Variants in PRICKLE2 observed in about 807,000 individuals in gnomAD.
PRICKLE2 encodes the protein prickle planar cell polarity protein 2.
In PRICKLE2, 21 loss-of-function variants were observed where a neutral mutation model predicts 81.4. The ratio of observed to expected loss-of-function variants is 0.26; its 90% CI spans 0.18 to 0.37. PRICKLE2 has a LOEUF of 0.37. Ranked by LOEUF, PRICKLE2 falls within the 10% of genes least tolerant of loss-of-function variation. PRICKLE2 has a pLI of 1.00. For synonymous variants in PRICKLE2, 456 were observed against 421.5 expected (o/e 1.08, Z -1.00); for missense variants, 940 against 1,109.0 (o/e 0.85, Z 2.16).
At chr3:64,218,346 T>C (rs914529123) in intron 1 of PRICKLE2, among the ~76,000 whole-genome samples, 6 of 152,252 alleles carry the variant, frequency 3.9e-5, no homozygotes, top group Non-Finnish European at 8.8e-5. Context: ...CTGAAATATT[T>C]GTAATTGTAC....
chr3:64,166,647 T>C (rs2077837872), intron 2 of PRICKLE2, among the ~76,000 whole-genome samples: 1 of 152,196 alleles, frequency 6.6e-6, no homozygotes, highest in Admixed American at 6.5e-5. Context: ...TCTCACAAGG[T>C]AACTAATAAT....
intron 6 of PRICKLE2, among the ~76,000 whole-genome samples, chr3:64,148,594 GA>G (rs1202173091): frequency 3.3e-5 from 5 of 152,180 alleles, no homozygotes; most frequent in African/African-American, 1.2e-4. Flanking sequence ...GTTTTCTTCA[GA>G]ACTCCTAAGT....
chr3:64,238,508 G>C (rs946538522), intron 2 of PRICKLE2, among the ~76,000 whole-genome samples: 1 of 150,448 alleles, frequency 6.6e-6, no homozygotes, highest in Non-Finnish European at 1.5e-5. Flanking sequence ...AAAGAAAAAA[G>C]AAAAGAAAAG....
intron 2 of PRICKLE2, among the ~76,000 whole-genome samples, chr3:64,167,672 G>A (rs1294263428): frequency 6.6e-6 from 1 of 152,246 alleles, no homozygotes; most frequent in African/African-American, 2.4e-5. Flanking sequence ...ATGGAGGCTG[G>A]AGAAGCAATA....
Position 64,099,054 on chromosome 3 carries a change from A to C in PRICKLE2, c.2532T>G (p.Ser844=), listed in dbSNP as rs748122339. The change falls in exon 8 of 8, where the codon TCT becomes TCG. Residue 844 remains serine, a synonymous_variant. Transcript: ENST00000638394. The surrounding 1 kb of genome is among the most constrained non-coding windows in gnomAD (Gnocchi z 4.3). The stretch of plus-strand genomic sequence containing the variant: ...CCATTCCCTGATCCCAATCATATTA[A>C]GAAATGATACAGTTTTTGCTCTTCT... ...KRQKSKNCII[S] 1 of 1,614,172 alleles carries C rather than the reference A, an allele frequency of 6.2e-7. No homozygotes were observed. Among genetic ancestry groups the C allele is most frequent in the Non-Finnish European group, 8.5e-7 (1 of 1,179,992 alleles).
chr3:64,126,190 T>A (rs954485014), intron 7 of PRICKLE2, among the ~76,000 whole-genome samples: 4 of 152,212 alleles, frequency 2.6e-5, no homozygotes, highest in Non-Finnish European at 5.9e-5. Context: ...CCCAAGAGAA[T>A]CTGAAGCTTT....
chr3:64,166,513 C>T (rs1301471180), intron 2 of PRICKLE2, among the ~76,000 whole-genome samples: 1 of 152,196 alleles, frequency 6.6e-6, no homozygotes, highest in Non-Finnish European at 1.5e-5. Context: ...GCAGTGACTA[C>T]TCTTTGGGAA....
chr3:64,165,748 A>G (rs1368811231), intron 2 of PRICKLE2, among the ~76,000 whole-genome samples: 1 of 152,130 alleles, frequency 6.6e-6, no homozygotes, highest in African/African-American at 2.4e-5. Flanking sequence ...GGCTCAAGCT[A>G]TTCTCCTGCC....
At chr3:64,188,706 A>G (rs766838488) in intron 2 of PRICKLE2, among the ~76,000 whole-genome samples, 7 of 152,240 alleles carry the variant, frequency 4.6e-5, no homozygotes, top group Non-Finnish European at 1.0e-4. Flanking sequence ...CTGTGTTTCA[A>G]ATCAGGCCCC....
chr3:64,142,933 C>T (rs2077386380), intron 7 of PRICKLE2, among the ~76,000 whole-genome samples: 1 of 152,030 alleles, frequency 6.6e-6, no homozygotes, highest in African/African-American at 2.4e-5. Flanking sequence ...TGTTCAAGGC[C>T]ACACAACTCC....
intron 2 of PRICKLE2, among the ~76,000 whole-genome samples, chr3:64,247,783 A>G (rs918239668): frequency 3.9e-5 from 6 of 152,184 alleles, no homozygotes; most frequent in African/African-American, 1.4e-4. Flanking sequence ...GACAACTTAA[A>G]TTGCTTCTTA....
intron 2 of PRICKLE2, among the ~76,000 whole-genome samples, chr3:64,260,193 T>C (rs1017033031): frequency 6.6e-6 from 1 of 152,180 alleles, no homozygotes; most frequent in East Asian, 1.9e-4. Flanking sequence ...AGAACTCTCT[T>C]GTGAGGCTCC....
At chr3:64,205,304 T>C (rs1313607228) in intron 1 of PRICKLE2, among the ~76,000 whole-genome samples, 1 of 152,122 alleles carries the variant, frequency 6.6e-6, no homozygotes, top group Admixed American at 6.5e-5. Flanking sequence ...AATCATGGCT[T>C]CCGTATCTCA....
intron 7 of PRICKLE2, among the ~76,000 whole-genome samples, chr3:64,138,133 T>C (rs1036805505): frequency 6.6e-6 from 1 of 152,218 alleles, no homozygotes; most frequent in Admixed American, 6.5e-5. Flanking sequence ...GGGATACCTA[T>C]GGTGCCTGTG....
intron 2 of PRICKLE2, chr3:64,163,652 T>G (rs1167033111): frequency 5.4e-6 from 1 of 185,038 alleles, no homozygotes; most frequent in Non-Finnish European, 1.2e-5. Flanking sequence ...GCAGCTGACA[T>G]CCATCAGAAA....
chr3:64,248,532 T>C (rs1458224747), intron 2 of PRICKLE2, among the ~76,000 whole-genome samples: 1 of 152,080 alleles, frequency 6.6e-6, no homozygotes, highest in Non-Finnish European at 1.5e-5. Flanking sequence ...GGTGGTGACT[T>C]GAACCACAGA....
intron 1 of PRICKLE2, among the ~76,000 whole-genome samples, chr3:64,221,623 G>C (rs926398162): frequency 1.3e-5 from 2 of 152,178 alleles, no homozygotes; most frequent in Non-Finnish European, 2.9e-5. Flanking sequence ...GTCACCAGCA[G>C]TTCCCTGTTT....
chr3:64,183,628 C>T (rs887184468), intron 2 of PRICKLE2, among the ~76,000 whole-genome samples: 2 of 152,150 alleles, frequency 1.3e-5, no homozygotes, highest in African/African-American at 4.8e-5. Context: ...TAGAGTATAT[C>T]ACAGCAATAG....
Position 64,225,178 on chromosome 3 carries a change from G to A in PRICKLE2, c.-309C>T, listed in dbSNP as rs2079013676. The A allele has an allele frequency of 2.0e-6, 2 of 985,330 alleles. No individual in the cohort carries two copies. Among genetic ancestry groups the A allele is most frequent in the Non-Finnish European group, 2.4e-6 (2 of 829,924 alleles). The allele number at this position is 985,330 out of a possible 1,614,324, so 61.0% of individuals were successfully genotyped here. On this transcript the variant is annotated 5_prime_UTR_variant, in exon 1 of 8. Transcript: ENST00000638394. Reference sequence around the variant, plus strand: ...CTCTGCTGGGGAATTCACCAAGCAAGAGAAAAAAAGTATGACTTCTACTCT... The same window carrying A: ...CTCTGCTGGGGAATTCACCAAGCAAAAGAAAAAAAGTATGACTTCTACTCT...
Sources: allele counts gnomAD v4.1 joint callset (sites outside exome capture counted in the v4.1 genomes callset), GRCh38; gene constraint gnomAD v4.1.1; non-coding constraint Gnocchi (gnomAD v3.1); transcripts MANE v1.5; gene names NCBI Gene and HGNC (gene_info 2026-07-23, HGNC 2026-07-21).